The following DHRS4L2 variants were observed in gnomAD, a reference collection of about 807,000 sequenced individuals.
DHRS4L2 encodes the protein dehydrogenase/reductase 4 like 2, also known as dehydrogenase/reductase SDR family member 4-like 2.
In DHRS4L2, 22 loss-of-function variants were observed where a neutral mutation model predicts 23.9. The ratio of observed to expected loss-of-function variants is 0.92; its 90% confidence interval spans 0.66 to 1.31. DHRS4L2 has a LOEUF of 1.31. Ranked by LOEUF, DHRS4L2 falls within the 40% of genes most tolerant of loss-of-function variation. The probability of loss-of-function intolerance (pLI) is 0.00; values close to 1 mark genes in which losing one functional copy is unlikely to be tolerated. For synonymous variants in DHRS4L2, 141 were observed against 123.7 expected, an observed-to-expected ratio of 1.14 and a Z score of -0.93; for missense variants, 385 against 303.3, an observed-to-expected ratio of 1.27 and a Z score of -2.00.
intron 7 of DHRS4L2, chr14:24,004,624 G>A (rs575309194): frequency 7.6e-5 from 56 of 736,156 alleles, no homozygotes; most frequent in Admixed American, 1.9e-4. Flanking sequence ...CAGAGGTCTC[G>A]GAGAAGCCCT....
rs1373032665 is a variant in DHRS4L2, at chr14:24,001,528, G to A, written c.665+11G>A. On this transcript the variant is annotated intron_variant, in intron 6 of 7. Transcript: ENST00000335125. Reference sequence around the variant, plus strand: ...AGCTTCAGCAGGATGGTGAGGAAGGGGAGCTTTGCATTTGACTGGGACCCC... The same window carrying A: ...AGCTTCAGCAGGATGGTGAGGAAGGAGAGCTTTGCATTTGACTGGGACCCC... 2 of 1,601,498 alleles carry A rather than the reference G, an allele frequency of 1.2e-6. No individual in the cohort carries two copies. Among genetic ancestry groups the A allele is most frequent in the Non-Finnish European group, 1.7e-6 (2 of 1,177,796 alleles).
chr14:23,974,226 A>G (rs1262405263), intron 1 of DHRS4L2, among the ~76,000 whole-genome samples: 2 of 151,882 alleles, frequency 1.3e-5, no homozygotes, highest in African/African-American at 4.8e-5. Flanking sequence ...GTGTAGCAGA[A>G]TCTCTGGGAC....
At chr14:23,983,010 A>G (rs2138519271) in intron 1 of DHRS4L2, among the ~76,000 whole-genome samples, 1 of 151,792 alleles carries the variant, frequency 6.6e-6, no homozygotes, top group African/African-American at 2.4e-5. Context: ...AGCAATGGCA[A>G]CGAAGTCCAA....
chr14:23,975,961 A>G lies in DHRS4L2; in HGVS notation c.-176+5629A>G, dbSNP rs909939346. On this transcript the variant is annotated intron_variant, in intron 1 of 5. Transcript: ENST00000534993. ...CACCTTATACTAAAATTAACTCAAG[A>G]TGGATTAAAGCCTTAAATGTAAGAC... Among the ~76,000 whole-genome samples the G allele has an allele frequency of 1.5e-4, 23 of 151,494 alleles. 1 individual carries two copies. The highest frequency in any genetic ancestry group is 5.3e-4 in the African/African-American group (22 of 41,198).
Position 23,993,455 on chromosome 14 carries a change from C to T in DHRS4L2, c.307-1577C>T, listed in dbSNP as rs1214051174. 5.5e-4 allele frequency among the ~76,000 whole-genome samples: 84 copies of T among 151,586 alleles called. 1 individual carries two copies. Among genetic ancestry groups the T allele is most frequent in the Admixed American group, 5.2e-3 (79 of 15,246 alleles). ...AGCAGATGGTGTACATTGTTAGTAA[C>T]ACCCCTCTCTGTGCCAAATCCAGAG... On this transcript the variant is annotated intron_variant, in intron 2 of 7. Coordinates refer to ENST00000335125, the MANE Select transcript of DHRS4L2 (RefSeq NM_198083.4).
At chr14:24,004,113 A>G (rs2034523221) in intron 6 of DHRS4L2, among the ~76,000 whole-genome samples, 1 of 146,308 alleles carries the variant, frequency 6.8e-6, no homozygotes, top group Non-Finnish European at 1.5e-5. Flanking sequence ...TACTAAAAAT[A>G]CAAAAAATTA....
upstream of DHRS4L2, among the ~76,000 whole-genome samples, chr14:23,986,766 AG>A (rs954780835): frequency 1.3e-5 from 2 of 149,522 alleles, no homozygotes; most frequent in African/African-American, 5.0e-5. Flanking sequence ...CTTTGAACCA[AG>A]CCCTGAGAAC....
At position 23,996,187 on chromosome 14, in the gene DHRS4L2, T is replaced by G. The variant is rs573766903; in HGVS notation, c.408+1054T>G. 3.3e-5 allele frequency among the ~76,000 whole-genome samples: 5 copies of G among 151,804 alleles called. No individual in the cohort carries two copies. The East Asian group carries it at 9.6e-4, about 29-fold the overall frequency. On this transcript the variant is annotated intron_variant, in intron 3 of 7. Coordinates refer to ENST00000335125, the MANE Select transcript of DHRS4L2 (RefSeq NM_198083.4). ...AGGGCACCAAGCCATTCATAAGGGA[T>G]CCACCCTCATGACCCAAACACCTCA...
chr14:24,001,707 T>G (rs1453264179), intron 6 of DHRS4L2, among the ~76,000 whole-genome samples, 190 bp downstream of exon 6: 2 of 127,214 alleles, frequency 1.6e-5, no homozygotes, highest in Non-Finnish European at 3.1e-5. Flanking sequence ...TTCTGAGGTA[T>G]AGGCTGGAGA....
chr14:23,993,421 C>T (rs984524864), intron 2 of DHRS4L2, among the ~76,000 whole-genome samples: 33 of 151,766 alleles, frequency 2.2e-4, no homozygotes, highest in South Asian at 6.3e-4. Flanking sequence ...TTAGTTAAAA[C>T]GGGAAGCTAG....
chr14:23,989,032 C>G lies in DHRS4L2; in HGVS notation c.85C>G (p.Pro29Ala). Residue 29 changes from proline to alanine, a missense_variant, in exon 1 of 8, where the codon CCG becomes GCG. Transcript: ENST00000335125. ...CAGCTCCAGGATGACCCGCCGGGACCCGCTCACAAATAAGGTGGCCCTGGT... is the reference window on the plus strand; with the variant it reads ...CAGCTCCAGGATGACCCGCCGGGACGCGCTCACAAATAAGGTGGCCCTGGT... ...MASSRMTRRD[P>A]LTNKVALVTA... 6.2e-7 allele frequency: 1 copy of G among 1,602,656 alleles called. No individual in the cohort carries two copies. The highest frequency in any genetic ancestry group is 8.5e-7 in the Non-Finnish European group (1 of 1,174,768).
rs180786425 is a variant in DHRS4L2, at chr14:23,977,903, C to T, written c.-176+7571C>T. 8.1e-4 allele frequency among the ~76,000 whole-genome samples: 123 copies of T among 151,718 alleles called. 4 individuals carry two copies. The highest frequency in any genetic ancestry group is 1.5e-3 in the Non-Finnish European group (99 of 67,954). On this transcript the variant is annotated intron_variant, in intron 1 of 5. Transcript: ENST00000534993. ...ACACTGCGTATAACTGATCAAATGG[C>T]TGTAACTATGTGCCAACCTTGTACA...
At chr14:23,981,298 A>G (rs529064743) in intron 1 of DHRS4L2, among the ~76,000 whole-genome samples, 1 of 151,818 alleles carries the variant, frequency 6.6e-6, no homozygotes, top group Admixed American at 6.5e-5. Flanking sequence ...TCAAGGAAAT[A>G]AGTGAGGACA....
intron 1 of DHRS4L2, among the ~76,000 whole-genome samples, chr14:23,970,546 T>G (rs1192869545): frequency 5.3e-5 from 8 of 152,018 alleles, no homozygotes; most frequent in African/African-American, 1.7e-4. Flanking sequence ...CCAGGGCATA[T>G]CTGAACAAAA....
At chr14:23,982,118 C>T (rs1014362018) in intron 1 of DHRS4L2, among the ~76,000 whole-genome samples, 1 of 151,658 alleles carries the variant, frequency 6.6e-6, no homozygotes, top group Non-Finnish European at 1.5e-5. Flanking sequence ...TCCCACGTGG[C>T]CATATTTCAG....
chr14:23,984,211 A>C (rs2034101235), upstream of DHRS4L2, among the ~76,000 whole-genome samples: 1 of 151,660 alleles, frequency 6.6e-6, no homozygotes, highest in South Asian at 2.1e-4. Flanking sequence ...CACAAAGCCA[A>C]GAGCTGTATG....
At chr14:23,969,930 T>C (rs774013600) in exon 1 of DHRS4L2, 10 of 448,978 alleles carry the variant, frequency 2.2e-5, no homozygotes, top group Admixed American at 7.1e-5. Flanking sequence ...CAAGGCCCGG[T>C]GGGGGGAGGG....
intron 3 of DHRS4L2, among the ~76,000 whole-genome samples, chr14:23,997,316 T>C (rs1418522578): frequency 5.3e-4 from 44 of 83,770 alleles, no homozygotes; most frequent in East Asian, 4.2e-3. Context: ...TCAACATTGA[T>C]GGTGGCTGAC....
chr14:23,999,475 G>T (rs1404327979), intron 3 of DHRS4L2, among the ~76,000 whole-genome samples: 1 of 148,882 alleles, frequency 6.7e-6, no homozygotes, highest in Non-Finnish European at 1.5e-5. Context: ...CATAATGGCT[G>T]ATCCTTGATT....
Sources: allele counts gnomAD v4.1 joint callset (sites outside exome capture counted in the v4.1 genomes callset), GRCh38; gene constraint gnomAD v4.1.1; transcripts MANE v1.5; gene names NCBI Gene and HGNC (gene_info 2026-07-23, HGNC 2026-07-21).